The following DLG2 variants were observed in gnomAD, a reference collection of about 807,000 sequenced individuals.
The protein encoded by DLG2 is disks large homolog 2.
In DLG2, 45 loss-of-function variants were observed where a neutral mutation model predicts 132.5. The observed-to-expected ratio is 0.34, with a 90% confidence interval of 0.27 to 0.44. DLG2 has a LOEUF of 0.44. Among genes scored for constraint, DLG2 ranks in the 20% least tolerant of loss-of-function variants. The probability of loss-of-function intolerance (pLI) is 1.00; values close to 1 mark genes in which losing one functional copy is unlikely to be tolerated. For missense variants in DLG2, 1,045 were observed against 1,196.9 expected, an observed-to-expected ratio of 0.87 and a Z score of 1.87; for synonymous variants, 424 against 419.6, an observed-to-expected ratio of 1.01 and a Z score of -0.13.
intron 7 of DLG2, among the ~76,000 whole-genome samples, chr11:84,388,294 T>C (rs1056567429): frequency 5.3e-5 from 8 of 152,156 alleles, no homozygotes; most frequent in Non-Finnish European, 1.0e-4. Context: ...AAATCTTTCA[T>C]ATTGTCAATC....
chr11:84,848,708 A>T (rs75794724), intron 6 of DLG2, among the ~76,000 whole-genome samples: 3,484 of 152,230 alleles, frequency 0.023, 158 homozygotes, highest in African/African-American at 0.08. Context: ...TGGACTTTAA[A>T]TCTATGCCTG....
At chr11:84,446,891 A>G (rs1291433069) in intron 7 of DLG2, among the ~76,000 whole-genome samples, 1 of 152,164 alleles carries the variant, frequency 6.6e-6, no homozygotes, top group Non-Finnish European at 1.5e-5. Context: ...TAGTCAGTTC[A>G]GGATCTCACT....
chr11:84,708,284 A>G (rs775218803), intron 6 of DLG2, among the ~76,000 whole-genome samples: 2 of 151,942 alleles, frequency 1.3e-5, no homozygotes, highest in Non-Finnish European at 2.9e-5. Context: ...GGCTTTCTAT[A>G]TAATAACAGT....
chr11:84,889,411 A>G (rs2088923805), intron 6 of DLG2, among the ~76,000 whole-genome samples: 1 of 152,156 alleles, frequency 6.6e-6, no homozygotes, highest in African/African-American at 2.4e-5. Flanking sequence ...AGAAGACAAG[A>G]TATGGGTGTT....
chr11:83,746,891 T>C (rs2092952696), intron 18 of DLG2, among the ~76,000 whole-genome samples: 1 of 152,200 alleles, frequency 6.6e-6, no homozygotes, highest in South Asian at 2.1e-4. Context: ...TCTTGAACAA[T>C]AATATAAACA....
chr11:85,564,400 C>A (rs183763041), intron 3 of DLG2, among the ~76,000 whole-genome samples: 21 of 151,870 alleles, frequency 1.4e-4, no homozygotes, highest in Middle Eastern at 3.4e-3. Flanking sequence ...GTGCTTAGGT[C>A]TGTGATCCAT....
At chr11:83,887,629 A>G (rs1184310044) in intron 15 of DLG2, among the ~76,000 whole-genome samples, 3 of 151,280 alleles carry the variant, frequency 2.0e-5, no homozygotes, top group East Asian at 1.9e-4. Context: ...TACCAAAGCC[A>G]GGCAGAGACA....
intron 6 of DLG2, among the ~76,000 whole-genome samples, chr11:84,788,047 G>A (rs2073206330): frequency 7.5e-6 from 1 of 132,662 alleles, no homozygotes; most frequent in Non-Finnish European, 1.6e-5. Context: ...GGTTGAATGA[G>A]CTGAGACTGA....
At chr11:84,066,208 C>T (rs566996798) in intron 10 of DLG2, among the ~76,000 whole-genome samples, 4 of 151,898 alleles carry the variant, frequency 2.6e-5, no homozygotes, top group African/African-American at 7.3e-5. Flanking sequence ...CATGTACCCC[C>T]GAAACTAAAG....
At chr11:83,908,211 T>C (rs951772396) in intron 15 of DLG2, among the ~76,000 whole-genome samples, 1 of 152,194 alleles carries the variant, frequency 6.6e-6, no homozygotes, top group Non-Finnish European at 1.5e-5. Context: ...TGGCAAAGAA[T>C]AAGCTTTTAA....
At chr11:85,554,123 A>C (rs1179326161) in intron 3 of DLG2, among the ~76,000 whole-genome samples, 1 of 151,428 alleles carries the variant, frequency 6.6e-6, no homozygotes, top group Non-Finnish European at 1.5e-5. Flanking sequence ...AAAGGACAAT[A>C]GAGTAAAATA....
chr11:84,616,215 T>G (rs2099604210), intron 6 of DLG2, among the ~76,000 whole-genome samples: 1 of 152,092 alleles, frequency 6.6e-6, no homozygotes, highest in Admixed American at 6.6e-5. Context: ...AGCTTGTGTT[T>G]CAGTTTTCAG....
chr11:84,349,590 A>G (rs2098553678), intron 7 of DLG2, among the ~76,000 whole-genome samples: 1 of 152,244 alleles, frequency 6.6e-6, no homozygotes, highest in African/African-American at 2.4e-5. Flanking sequence ...GGTCATGTAC[A>G]GTAGGTCTAA....
At chr11:84,939,472 G>T (rs558052303) in intron 6 of DLG2, among the ~76,000 whole-genome samples, 1 of 151,872 alleles carries the variant, frequency 6.6e-6, no homozygotes, top group East Asian at 1.9e-4. Flanking sequence ...TAATTCCATT[G>T]TGTTATCAAA....
intron 3 of DLG2, among the ~76,000 whole-genome samples, chr11:85,528,228 C>T (rs539214452): frequency 2.6e-5 from 4 of 152,124 alleles, no homozygotes; most frequent in Non-Finnish European, 5.9e-5. Context: ...GTCACAATTG[C>T]TTTTGGTGTG....
At chr11:83,724,347 G>C (rs1210251314) in intron 18 of DLG2, among the ~76,000 whole-genome samples, 3 of 152,128 alleles carry the variant, frequency 2.0e-5, no homozygotes, top group Non-Finnish European at 4.4e-5. Context: ...TGTTTGAACA[G>C]GACTTGCATA....
intron 3 of DLG2, among the ~76,000 whole-genome samples, chr11:85,586,436 G>A (rs2078976268): frequency 2.6e-5 from 4 of 152,066 alleles, no homozygotes; most frequent in Admixed American, 2.6e-4. Context: ...TAATCTAGAA[G>A]GGTTGTATAT....
At chr11:83,819,553 T>C (rs1389560210) in intron 17 of DLG2, among the ~76,000 whole-genome samples, 2 of 150,094 alleles carry the variant, frequency 1.3e-5, no homozygotes, top group Non-Finnish European at 3.0e-5. Context: ...TTCTTAATTC[T>C]ATCATAAATC....
chr11:84,946,179 C>T (rs1396975388), intron 6 of DLG2, among the ~76,000 whole-genome samples: 1 of 152,132 alleles, frequency 6.6e-6, no homozygotes, highest in Non-Finnish European at 1.5e-5. Flanking sequence ...ATCAGAAACC[C>T]CAGGGGTCCA....
Sources: allele counts gnomAD v4.1 joint callset (sites outside exome capture counted in the v4.1 genomes callset), GRCh38; gene constraint gnomAD v4.1.1; transcripts MANE v1.5; gene names NCBI Gene and HGNC (gene_info 2026-07-23, HGNC 2026-07-21).